The following FREM2 variants were observed in gnomAD, a reference collection of about 807,000 sequenced individuals.
The protein encoded by FREM2 is FRAS1-related extracellular matrix protein 2.
FREM2 carries 119 observed loss-of-function variants against 219.9 expected under a neutral mutation model. That is an observed-to-expected ratio of 0.54 (90% CI 0.47 to 0.63). FREM2 has a LOEUF of 0.63. Among genes scored for constraint, FREM2 ranks in the 30% least tolerant of loss-of-function variants. The pLI, the probability that FREM2 is intolerant of heterozygous loss-of-function variation, is 0.00. For synonymous variants in FREM2, 1,562 were observed against 1,522.8 expected, an observed-to-expected ratio of 1.03 and a Z score of -0.60; for missense variants, 4,030 against 3,993.6, an observed-to-expected ratio of 1.01 and a Z score of -0.25.
intron 6 of FREM2, among the ~76,000 whole-genome samples, chr13:38,841,127 C>T (rs558288712): frequency 6.6e-5 from 10 of 151,996 alleles, no homozygotes; most frequent in East Asian, 3.9e-4. Flanking sequence ...TCTGTGAAAA[C>T]GGGATTAATA....
chr13:38,823,381 C>A (rs1402075895), intron 6 of FREM2, among the ~76,000 whole-genome samples: 1 of 151,740 alleles, frequency 6.6e-6, no homozygotes, highest in Non-Finnish European at 1.5e-5. Flanking sequence ...ATGTTCCCCC[C>A]TTTTTTAACA....
intron 6 of FREM2, among the ~76,000 whole-genome samples, chr13:38,840,423 T>C (rs1228033524): frequency 6.6e-5 from 5 of 75,260 alleles, no homozygotes; most frequent in African/African-American, 5.3e-4. Flanking sequence ...GGATTTCTCC[T>C]TTTTTTTTTT....
At chr13:38,734,166 CA>C (rs1232388318) in intron 2 of FREM2, among the ~76,000 whole-genome samples, 27 of 140,632 alleles carry the variant, frequency 1.9e-4, no homozygotes, top group Admixed American at 2.2e-4. Context: ...TGCACACACA[CA>C]AAAAAAAAAG....
rs1869904131 is a variant in FREM2, at chr13:38,692,106, C to T, written c.4762C>T (p.Pro1588Ser). Residue 1588 changes from proline to serine, a missense_variant, in exon 1 of 24, where the codon CCT becomes TCT. By Grantham distance (74) the Pro-to-Ser change is moderately conservative. Around this residue, in one of 2 missense-constraint regions of FREM2, gnomAD observed 3,102 missense variants for 2,950.7 expected, o/e 1.05. Transcript: ENST00000280481. Reference protein sequence around the residue: ...HGHLLFNNTRPVMVFTKQDLN... With the variant: ...HGHLLFNNTRSVMVFTKQDLN... ...CCATCTCCTATTCAACAATACCAGA[C>T]CTGTCATGGTTTTTACCAAGCAAGA... 6.2e-7 allele frequency: 1 copy of T among 1,614,124 alleles called. No individual in the cohort carries two copies. Among genetic ancestry groups the T allele is most frequent in the Non-Finnish European group, 8.5e-7 (1 of 1,179,982 alleles).
chr13:38,694,636 G>A (rs527262966), intron 1 of FREM2, among the ~76,000 whole-genome samples: 1 of 152,266 alleles, frequency 6.6e-6, no homozygotes, highest in Non-Finnish European at 1.5e-5. Flanking sequence ...GGTCAGTTTA[G>A]CACAGGTAGC....
rs1443099001 is a variant in FREM2, at chr13:38,690,774, G to T, written c.3430G>T (p.Gly1144Cys). The T allele has an allele frequency of 6.2e-7, 1 of 1,614,100 alleles. No homozygotes were observed. The highest frequency in any genetic ancestry group is 8.5e-7 in the Non-Finnish European group (1 of 1,180,012). Residue 1144 changes from glycine (G) to cysteine (C), a missense_variant, in exon 1 of 24, where the codon GGC (glycine) becomes TGC (cysteine). Gly to Cys is a radical substitution (Grantham distance 159). Coordinates refer to ENST00000280481, the MANE Select transcript of FREM2 (RefSeq NM_207361.6). ...SAFNLKDLRQ[G>C]HINYVQSVHK... ...TTTCAACTTGAAAGATCTCAGGCAG[G>T]GCCACATAAACTATGTCCAGAGTGT...
intron 6 of FREM2, among the ~76,000 whole-genome samples, chr13:38,826,223 A>C (rs1373132096): frequency 6.6e-6 from 1 of 152,114 alleles, no homozygotes; most frequent in East Asian, 1.9e-4. Flanking sequence ...GAAGGGCAAG[A>C]AGAATAGCTT....
chr13:38,861,415 C>G lies in FREM2; in HGVS notation c.7520-16C>G. 1.5e-6 allele frequency: 2 copies of G among 1,325,322 alleles called. No homozygotes were observed. Among genetic ancestry groups the G allele is most frequent in the South Asian group, 1.3e-5 (1 of 79,316 alleles). The allele number at this position is 1,325,322 out of a possible 1,614,324, so 82.1% of individuals were successfully genotyped here. On this transcript the variant is annotated splice_polypyrimidine_tract_variant and intron_variant, in intron 14 of 23. Transcript: ENST00000280481. ...TACCTTCTTTTCGCATAAATATGGTCTTTTTTTTTTTCAAGGTCTTTGTCA... is the reference window on the plus strand; with the variant it reads ...TACCTTCTTTTCGCATAAATATGGTGTTTTTTTTTTTCAAGGTCTTTGTCA...
Position 38,850,186 on chromosome 13 carries a change from C to G in FREM2, c.6528C>G (p.Asp2176Glu). 1 of 1,614,034 alleles carries G rather than the reference C, an allele frequency of 6.2e-7. No homozygotes were observed. ...TRQGSAQVMM[D>E]FEERPNTDTS... ...AGGGGTCTGCACAGGTGATGATGGA[C>G]TTTGAAGAACGCCCAAACACTGATA... The change falls in exon 9 of 24, where the codon GAC becomes GAG. Residue 2176 changes from aspartate (D) to glutamate (E), a missense_variant. Around this residue, in one of 2 missense-constraint regions of FREM2, gnomAD observed 3,102 missense variants for 2,950.7 expected, o/e 1.05. Coordinates refer to ENST00000280481, the MANE Select transcript of FREM2 (RefSeq NM_207361.6).
In FREM2 at chr13:38,689,789, A is replaced by G; in HGVS notation, c.2445A>G (p.Pro815=). 3 of 1,613,794 alleles carry G rather than the reference A, an allele frequency of 1.9e-6. No individual in the cohort carries two copies. Among genetic ancestry groups the G allele is most frequent in the South Asian group, 2.2e-5 (2 of 91,020 alleles). ...AAGACCGAGCTGGGAATGTGGCTCC[A>G]GGTACCTTTACCCTTTACTTGCATC... The part of the protein sequence containing the change: ...QVEDRAGNVA[P]GTFTLYLHPV... The change falls in exon 1 of 24, where the codon CCA becomes CCG. Residue 815 remains proline (P), a synonymous_variant. Coordinates refer to ENST00000280481, the MANE Select transcript of FREM2 (RefSeq NM_207361.6).
chr13:38,728,640 G>A (rs1281468759), intron 2 of FREM2, among the ~76,000 whole-genome samples: 2 of 151,760 alleles, frequency 1.3e-5, no homozygotes, highest in Non-Finnish European at 2.9e-5. Context: ...CTGGAACTAT[G>A]GGCTCAAGTG....
At chr13:38,713,033 A>G (rs977337855) in intron 2 of FREM2, among the ~76,000 whole-genome samples, 12 of 152,000 alleles carry the variant, frequency 7.9e-5, no homozygotes, top group African/African-American at 2.9e-4. Flanking sequence ...ACAACCTGCT[A>G]TTTTTCATTT....
chr13:38,794,556 C>T (rs115641374), intron 6 of FREM2, among the ~76,000 whole-genome samples: 3,131 of 152,102 alleles, frequency 0.021, 111 homozygotes, highest in African/African-American at 0.07. Flanking sequence ...TGTTGGTATA[C>T]TTCTTATCTT....
rs1324748151 is a variant in FREM2 at position 38,858,016 on chromosome 13, C to T, written c.7198C>T (p.Pro2400Ser). ...GAGTGCTGAACCCATGTCTGGCTAT[C>T]CTGTCATCTGTATCACAGTGAGTAG... ...KESAEPMSGY[P>S]VICITACNPK... is the part of the protein sequence containing the mutation. The change falls in exon 13 of 24, where the codon CCT becomes TCT. Residue 2400 changes from proline to serine, a missense_variant. By Grantham distance (74) the Pro-to-Ser change is moderately conservative (BLOSUM62 -1). Transcript: ENST00000280481. 6.2e-7 allele frequency: 1 copy of T among 1,613,886 alleles called. No homozygotes were observed. Among genetic ancestry groups the T allele is most frequent in the Non-Finnish European group, 8.5e-7 (1 of 1,179,844 alleles).
intron 6 of FREM2, among the ~76,000 whole-genome samples, chr13:38,793,734 C>G (rs542820210): frequency 6.6e-6 from 1 of 152,296 alleles, no homozygotes; most frequent in South Asian, 2.1e-4. Flanking sequence ...CACAGGTGAT[C>G]GGTGACAGTG....
At chr13:38,694,641 G>A (rs1250833800) in intron 1 of FREM2, among the ~76,000 whole-genome samples, 2 of 152,170 alleles carry the variant, frequency 1.3e-5, no homozygotes, top group Non-Finnish European at 2.9e-5. Flanking sequence ...GTTTAGCACA[G>A]GTAGCTAGAG....
intron 6 of FREM2, among the ~76,000 whole-genome samples, chr13:38,806,548 T>C (rs1875234231): frequency 6.6e-6 from 1 of 152,002 alleles, no homozygotes; most frequent in Non-Finnish European, 1.5e-5. Flanking sequence ...TGCAATAGTA[T>C]TGTGTCTAAA....
chr13:38,817,044 T>C (rs570973339), intron 6 of FREM2, among the ~76,000 whole-genome samples: 1 of 152,156 alleles, frequency 6.6e-6, no homozygotes, highest in Non-Finnish European at 1.5e-5. Context: ...GCTATAAAAC[T>C]TTGATGAAAG....
rs11619157 is a variant in FREM2, at chr13:38,692,453, C to T, written c.5109C>T (p.Ala1703=). The T allele has an allele frequency of 1.9e-3, 3,076 of 1,613,698 alleles. 9 individuals are homozygous for T. The highest frequency in any genetic ancestry group is 4.0e-3 in the South Asian group (362 of 91,078). The change falls in exon 1 of 24, where the codon GCC becomes GCT. Residue 1703 remains alanine (A), a synonymous_variant. Coordinates refer to ENST00000280481, the MANE Select transcript of FREM2 (RefSeq NM_207361.6). ...CTCTTAGATTTATCGTGACAGAGGC[C>T]CCTCAACATGGATATCTTCTCAACC... is the stretch of plus-strand genomic sequence containing the variant. ...HISLRFIVTE[A]PQHGYLLNLD...
Sources: gnomAD v4.1 joint callset for allele counts (sites outside exome capture counted in the v4.1 genomes callset) on GRCh38, gnomAD v4.1.1 for gene constraint, gnomAD v4.1.1 regional missense constraint, MANE v1.5 for transcripts, NCBI Gene and HGNC (gene_info 2026-07-23, HGNC 2026-07-21) for gene names.